The following KIF20B variants were observed in gnomAD, a reference collection of about 807,000 sequenced individuals.
KIF20B encodes the protein kinesin-like protein KIF20B.
In KIF20B, 188 loss-of-function variants were observed where a neutral mutation model predicts 232.5. The observed-to-expected ratio is 0.81, with a 90% CI of 0.72 to 0.91. The LOEUF (loss-of-function observed/expected upper bound fraction) is 0.91. Ranked by LOEUF, KIF20B falls within the 40% of genes least tolerant of loss-of-function variation. The pLI, the probability that KIF20B is intolerant of heterozygous loss-of-function variation, is 0.00. For synonymous variants in KIF20B, 712 were observed against 683.0 expected, an observed-to-expected ratio of 1.04 and a Z score of -0.66; for missense variants, 2,154 against 2,055.9, an observed-to-expected ratio of 1.05 and a Z score of -0.92.
At chr10:89,748,851 A>T (rs986431422) in intron 23 of KIF20B, among the ~76,000 whole-genome samples, 1 of 152,140 alleles carries the variant, frequency 6.6e-6, no homozygotes, top group Non-Finnish European at 1.5e-5. Flanking sequence ...CACCGTGACT[A>T]TTTTAATCTG....
rs557974458 is a variant in KIF20B, at chr10:89,738,690, T to C, written c.3776+73T>C. 3 of 1,451,840 alleles carry C rather than the reference T, an allele frequency of 2.1e-6. No homozygotes were observed. In the South Asian group the frequency reaches 4.4e-5, roughly 22 times the overall value. The allele number at this position is 1,451,840 out of a possible 1,614,324, so 89.9% of individuals were successfully genotyped here. The stretch of plus-strand genomic sequence containing the variant: ...TTTTGCTATGCAGCTTTAAAAAAGT[T>C]AGATAGTCATACTTAATCTGGTAAA... On this transcript the variant is annotated intron_variant, in intron 20 of 32. Transcript: ENST00000371728.
chr10:89,704,688 TGG>T (rs1564655491), intron 1 of KIF20B, among the ~76,000 whole-genome samples: 1 of 152,160 alleles, frequency 6.6e-6, no homozygotes. Flanking sequence ...CCCGAGTAGC[TGG>T]GATTACAGGT....
chr10:89,735,833 C>T (rs927684420), intron 19 of KIF20B, among the ~76,000 whole-genome samples: 44 of 152,090 alleles, frequency 2.9e-4, no homozygotes, highest in African/African-American at 7.0e-4. Context: ...CCACCGTGCC[C>T]GGCCAGAAAG....
rs146495295 is a variant in KIF20B at position 89,772,779 on chromosome 10, G to A, written c.5333G>A (p.Arg1778Gln). Residue 1778 changes from arginine to glutamine, a missense_variant, in exon 32 of 33, where the codon CGG becomes CAG. Physicochemically the swap from Arg to Gln is conservative, Grantham distance 43. Coordinates refer to ENST00000371728, the MANE Select transcript of KIF20B (RefSeq NM_001284259.2). Reference protein sequence around the residue: ...ENVSQPKRAKRKLYTSEISSP... With the variant: ...ENVSQPKRAKQKLYTSEISSP... ...GTGTCTCAACCAAAACGAGCCAAAC[G>A]GAAATTATACACAAGTGAAATTTCA... 2.5e-5 allele frequency: 40 copies of A among 1,610,136 alleles called. No individual in the cohort carries two copies. Among genetic ancestry groups the A allele is most frequent in the African/African-American group, 6.7e-5 (5 of 74,720 alleles).
At chr10:89,767,226 G>T (rs1216371809) in intron 29 of KIF20B, among the ~76,000 whole-genome samples, 1 of 147,816 alleles carries the variant, frequency 6.8e-6, no homozygotes, top group Non-Finnish European at 1.5e-5. Flanking sequence ...TATGTGTGCA[G>T]AATGTGCAGT....
At chr10:89,719,019 G>T in intron 12 of KIF20B, 147 bp downstream of exon 12, 1 of 539,418 alleles carries the variant, frequency 1.9e-6, no homozygotes, top group Admixed American at 3.9e-5. Context: ...ACATGAGAAA[G>T]GATTGAAAGT....
Position 89,705,783 on chromosome 10 carries a change from G to T in KIF20B, c.147+342G>T, listed in dbSNP as rs148068139. On this transcript the variant is annotated intron_variant, in intron 2 of 32. Coordinates refer to ENST00000371728, the MANE Select transcript of KIF20B (RefSeq NM_001284259.2). Reference sequence around the variant, plus strand: ...TAGAACCTAAAATATTAGCTGTCTAGCTCTTTACAGAGAAAATTTATTGAC... The same window carrying T: ...TAGAACCTAAAATATTAGCTGTCTATCTCTTTACAGAGAAAATTTATTGAC... 1.1e-4 allele frequency among the ~76,000 whole-genome samples: 16 copies of T among 152,296 alleles called. No individual in the cohort carries two copies. The East Asian group carries it at 2.9e-3, about 28-fold the overall frequency.
In KIF20B at chr10:89,725,211, T is replaced by G. The variant is rs1843155408; in HGVS notation, c.2001+53T>G. 1.2e-5 allele frequency: 18 copies of G among 1,485,448 alleles called. No individual in the cohort carries two copies. In the South Asian group the frequency reaches 2.1e-4, roughly 17 times the overall value. 92.0% of individuals were successfully genotyped at this position (1,485,448 alleles called of 1,614,324 possible). A position where few individuals can be genotyped will look rare whatever the true frequency, so the allele number is the denominator to read the frequency against. On this transcript the variant is annotated intron_variant, in intron 15 of 32. Coordinates refer to ENST00000371728, the MANE Select transcript of KIF20B (RefSeq NM_001284259.2). ...TCCAGTGAGGTTTTGGTACCAGGGT[T>G]TAGTGTACCACATCAATGATGAGAA...
At chr10:89,729,374 C>A in intron 18 of KIF20B, 127 bp downstream of exon 18, 1 of 949,172 alleles carries the variant, frequency 1.1e-6, no homozygotes, top group Non-Finnish European at 1.5e-6. Flanking sequence ...GCTTATGCAA[C>A]ATTGAACTCA....
In KIF20B at chr10:89,737,493, T is replaced by G; in HGVS notation, c.2652T>G (p.Asn884Lys). 1 of 1,609,850 alleles carries G rather than the reference T, an allele frequency of 6.2e-7. No individual in the cohort carries two copies. Among genetic ancestry groups the G allele is most frequent in the Non-Finnish European group, 8.5e-7 (1 of 1,178,590 alleles). Residue 884 changes from asparagine (N) to lysine (K), a missense_variant, in exon 20 of 33, where the codon AAT becomes AAG. Coordinates refer to ENST00000371728, the MANE Select transcript of KIF20B (RefSeq NM_001284259.2). ...ACATCAGAGTTTTACAAGAAAATAATGAAGGACTGAGAGCATTTTTACTCA... is the reference window on the plus strand; with the variant it reads ...ACATCAGAGTTTTACAAGAAAATAAGGAAGGACTGAGAGCATTTTTACTCA... ...IEDIRVLQEN[N>K]EGLRAFLLTI...
At chr10:89,771,069 C>T (rs1842452044) in intron 31 of KIF20B, among the ~76,000 whole-genome samples, 1 of 151,942 alleles carries the variant, frequency 6.6e-6, no homozygotes. Flanking sequence ...TTGCTTTTTC[C>T]TGTGCTTTCT....
intron 19 of KIF20B, among the ~76,000 whole-genome samples, chr10:89,735,556 T>TTTTTG (rs1841631932): frequency 6.9e-6 from 1 of 145,436 alleles, no homozygotes; most frequent in Non-Finnish European, 1.5e-5. Flanking sequence ...TTTTTTTTTT[T>TTTTTG]GAGACAGAGT....
At chr10:89,732,126 ACTTT>A (rs1252229753) in intron 18 of KIF20B, among the ~76,000 whole-genome samples, 1 of 119,956 alleles carries the variant, frequency 8.3e-6, no homozygotes, top group Admixed American at 8.2e-5. Flanking sequence ...CAGCTCCCCC[ACTTT>A]CTTTCTTTTT....
intron 6 of KIF20B, among the ~76,000 whole-genome samples, chr10:89,711,808 G>GT (rs1842842359): frequency 6.6e-6 from 1 of 151,532 alleles, no homozygotes; most frequent in Admixed American, 6.6e-5. Flanking sequence ...TCTTTAACTT[G>GT]TTTTTTTAAA....
intron 1 of KIF20B, among the ~76,000 whole-genome samples, chr10:89,702,222 T>C (rs1386417339): frequency 6.6e-6 from 1 of 152,178 alleles, no homozygotes; most frequent in African/African-American, 2.4e-5. Context: ...AGCCCTGTGG[T>C]AGCCTCTGTG....
rs373446473 is a variant in KIF20B at position 89,719,657 on chromosome 10, A to G, written c.1673A>G (p.Asp558Gly). 4.3e-6 allele frequency: 7 copies of G among 1,611,718 alleles called. No homozygotes were observed. In the African/African-American group the frequency reaches 6.7e-5, roughly 15 times the overall value. ...VETKLLDEDL[D>G]KTLEENKAFI... Reference sequence around the variant, plus strand: ...ACTAAACTTCTTGATGAAGATCTAGATAAAACATTAGAGGAAAATAAGGCT... The same window carrying G: ...ACTAAACTTCTTGATGAAGATCTAGGTAAAACATTAGAGGAAAATAAGGCT... The change falls in exon 13 of 33, where the codon GAT (aspartate) becomes GGT (glycine). Residue 558 changes from aspartate (D) to glycine (G), a missense_variant. Asp to Gly is a moderately conservative substitution (Grantham distance 94). Coordinates refer to ENST00000371728, the MANE Select transcript of KIF20B (RefSeq NM_001284259.2).
intron 17 of KIF20B, among the ~76,000 whole-genome samples, 179 bp from the exon 18 acceptor site, chr10:89,728,921 GTGTGTGTGTGTGTGTGTGTGTGTGTGTA>G (rs1348715492): frequency 1.5e-5 from 2 of 133,128 alleles, no homozygotes; most frequent in African/African-American, 6.2e-5. Context: ...GTGTGTGTGT[GTGTGTGTGTGTGTGTGTGTGTGTGTGTA>G]TGTAATTTTT....
chr10:89,758,068 A>G (rs1842166838), intron 26 of KIF20B, among the ~76,000 whole-genome samples: 1 of 152,030 alleles, frequency 6.6e-6, no homozygotes, highest in Non-Finnish European at 1.5e-5. Context: ...AATTTTGAGT[A>G]TTCTAGATGA....
intron 9 of KIF20B, 121 bp downstream of exon 9, chr10:89,716,668 A>G (rs1313164922): frequency 9.5e-6 from 6 of 633,250 alleles, no homozygotes; most frequent in African/African-American, 1.9e-5. Context: ...TTCATAAGGC[A>G]TAAAAAACAT....
Sources: gnomAD v4.1 joint callset for allele counts (sites outside exome capture counted in the v4.1 genomes callset) on GRCh38, gnomAD v4.1.1 for gene constraint, MANE v1.5 for transcripts, NCBI Gene and HGNC (gene_info 2026-07-23, HGNC 2026-07-21) for gene names.